SENP7: variants seen among roughly 807,000 people sequenced by gnomAD.
SENP7 encodes the protein SUMO specific peptidase 7.
In SENP7, 64 loss-of-function variants were observed where a neutral mutation model predicts 141.2. The ratio of observed to expected loss-of-function variants is 0.45; its 90% CI spans 0.37 to 0.56. The LOEUF is 0.56. Among genes scored for constraint, SENP7 ranks in the 20% least tolerant of loss-of-function variants. The pLI is 0.00. For missense variants in SENP7, 1,025 were observed against 1,212.2 expected (o/e 0.85, Z 2.29); for synonymous variants, 382 against 426.4 (o/e 0.90, Z 1.28).
Position 101,372,124 on chromosome 3 carries a change from C to T in SENP7, c.680G>A (p.Gly227Asp), listed in dbSNP as rs748905082. The change falls in exon 7 of 24, where the codon GGC (glycine) becomes GAC (aspartate). Residue 227 changes from glycine to aspartate, a missense_variant and splice_region_variant. Physicochemically the swap from Gly to Asp is moderately conservative, Grantham distance 94. Coordinates refer to ENST00000394095, the MANE Select transcript of SENP7 (RefSeq NM_020654.5). The part of the protein sequence containing the change: ...PHKSCYLSER[G>D]SQRSKTVDDN... ...ATCTACTGTCTTACTTCGTTGTGAG[C>T]CCCTGCAAAAGAGAACTGTATTATA... 1.3e-6 allele frequency: 2 copies of T among 1,526,442 alleles called. No homozygotes were observed. Among genetic ancestry groups the T allele is most frequent in the South Asian group, 1.3e-5 (1 of 77,910 alleles). The allele number at this position is 1,526,442 out of a possible 1,614,324, so 94.6% of individuals were successfully genotyped here. A position where few individuals can be genotyped will look rare whatever the true frequency, so the allele number is the denominator to read the frequency against.
intron 4 of SENP7, among the ~76,000 whole-genome samples, chr3:101,424,285 C>T (rs944139733): frequency 3.9e-5 from 6 of 152,048 alleles, no homozygotes; most frequent in Non-Finnish European, 7.4e-5. Flanking sequence ...CTCCACACAC[C>T]GCAGCTTCCC....
intron 6 of SENP7, among the ~76,000 whole-genome samples, chr3:101,386,259 C>G (rs1173421928): frequency 6.6e-6 from 1 of 152,162 alleles, no homozygotes; most frequent in Non-Finnish European, 1.5e-5. Flanking sequence ...CACTCAGAGC[C>G]AGGACAGACT....
intron 4 of SENP7, among the ~76,000 whole-genome samples, chr3:101,444,455 C>T (rs909258595): frequency 2.0e-5 from 3 of 151,968 alleles, no homozygotes; most frequent in South Asian, 2.1e-4. Flanking sequence ...ATGTTTATTG[C>T]GGCATTATTC....
At chr3:101,474,593 GT>G (rs1184926509) in intron 3 of SENP7, among the ~76,000 whole-genome samples, 4 of 152,032 alleles carry the variant, frequency 2.6e-5, no homozygotes, top group Non-Finnish European at 5.9e-5. Flanking sequence ...AGAATATGGG[GT>G]TTTCTAGATC....
At chr3:101,382,877 TAAAG>T (rs1487814815) in intron 6 of SENP7, among the ~76,000 whole-genome samples, 1 of 152,146 alleles carries the variant, frequency 6.6e-6, no homozygotes, top group African/African-American at 2.4e-5. Flanking sequence ...AAAGATACTA[TAAAG>T]AAAGTGTAGT....
intron 12 of SENP7, among the ~76,000 whole-genome samples, chr3:101,348,662 A>T (rs1446884376): frequency 6.6e-6 from 1 of 152,128 alleles, no homozygotes; most frequent in East Asian, 1.9e-4. Flanking sequence ...GTCTAAGGAG[A>T]CATTTCTTTT....
intron 4 of SENP7, among the ~76,000 whole-genome samples, chr3:101,451,482 C>T (rs552115129): frequency 2.6e-5 from 4 of 152,260 alleles, no homozygotes; most frequent in East Asian, 1.9e-4. Context: ...ACTGGCAAAC[C>T]GAATCCAGCA....
At chr3:101,414,579 C>A in intron 5 of SENP7, 1 of 1,605,298 alleles carries the variant, frequency 6.2e-7, no homozygotes. Flanking sequence ...ACATGCACCT[C>A]ATCCCAACTA....
At chr3:101,331,873 G>T in intron 19 of SENP7, 112 bp downstream of exon 19, 1 of 1,012,626 alleles carries the variant, frequency 9.9e-7, no homozygotes, top group Non-Finnish European at 1.4e-6. Context: ...TCCTGTTAAA[G>T]TAGGTTTAAT....
chr3:101,444,729 C>G (rs2062820955), intron 4 of SENP7, among the ~76,000 whole-genome samples: 1 of 107,906 alleles, frequency 9.3e-6, no homozygotes. Flanking sequence ...ACATCACACT[C>G]TGGGGACTGT....
chr3:101,409,423 G>C (rs2061392689), intron 5 of SENP7, among the ~76,000 whole-genome samples: 1 of 152,082 alleles, frequency 6.6e-6, no homozygotes, highest in African/African-American at 2.4e-5. Context: ...ATTCTTCACA[G>C]AATTAGAAAA....
intron 4 of SENP7, among the ~76,000 whole-genome samples, chr3:101,438,740 T>C (rs1309194615): frequency 6.6e-6 from 1 of 152,206 alleles, no homozygotes; most frequent in Non-Finnish European, 1.5e-5. Context: ...AAACTTGAAT[T>C]GTCCTATAAG....
intron 5 of SENP7, chr3:101,414,486 C>A: frequency 2.0e-6 from 3 of 1,528,628 alleles, no homozygotes; most frequent in Non-Finnish European, 2.7e-6. Context: ...ACAACAAAGC[C>A]AAAGATTCAA....
intron 6 of SENP7, among the ~76,000 whole-genome samples, chr3:101,373,815 C>T (rs1355073529): frequency 2.6e-5 from 4 of 152,246 alleles, no homozygotes; most frequent in East Asian, 1.9e-4. Context: ...TGGTTCTAAA[C>T]TGTACATGGT....
chr3:101,444,778 A>T lies in SENP7; in HGVS notation c.284+14177T>A, dbSNP rs565883918. ...GAGGGGGGAAAGATAGCATTGGGAG[A>T]TATACCTAATGCTAGATGACGAGTT... is the stretch of plus-strand genomic sequence containing the variant. On this transcript the variant is annotated intron_variant, in intron 4 of 23. Transcript: ENST00000394095. Among the ~76,000 whole-genome samples the T allele has an allele frequency of 1.6e-4, 24 of 151,672 alleles. No homozygotes were observed. The East Asian group carries it at 3.3e-3, about 21-fold the overall frequency.
Position 101,343,795 on chromosome 3 carries a change from T to C in SENP7, c.1997A>G (p.Asn666Ser), listed in dbSNP as rs759677621. 6.8e-6 allele frequency: 11 copies of C among 1,613,684 alleles called. No individual in the cohort carries two copies. Among genetic ancestry groups the C allele is most frequent in the Non-Finnish European group, 7.6e-6 (9 of 1,179,870 alleles). Residue 666 changes from asparagine to serine, a missense_variant, in exon 14 of 24, where the codon AAC (asparagine) becomes AGC (serine). By Grantham distance (46) the Asn-to-Ser change is conservative. This residue lies in a region of SENP7 where 295 missense variants were observed against 459.1 expected (regional missense o/e 0.64). Coordinates refer to ENST00000394095, the MANE Select transcript of SENP7 (RefSeq NM_020654.5). The stretch of plus-strand genomic sequence containing the variant: ...AAAAGAACTTTCTTTTGAAGAGAGG[T>C]TCTGAAACAAAGGAAATGCCTGAAC... ...SWVQAFPLFQ[N>S]LSSKESSFIH... is the part of the protein sequence containing the mutation.
intron 5 of SENP7, among the ~76,000 whole-genome samples, chr3:101,405,407 C>G (rs1262942594): frequency 1.3e-5 from 2 of 152,126 alleles, no homozygotes; most frequent in Admixed American, 6.5e-5. Context: ...AGGGAACACC[C>G]CATGGGACAA....
intron 6 of SENP7, among the ~76,000 whole-genome samples, chr3:101,391,079 G>C (rs2060803276): frequency 6.6e-6 from 1 of 151,552 alleles, no homozygotes; most frequent in Non-Finnish European, 1.5e-5. Context: ...ATAACATATG[G>C]GATCCAGCAA....
chr3:101,503,806 G>A (rs1187830887), intron 1 of SENP7, among the ~76,000 whole-genome samples: 1 of 152,002 alleles, frequency 6.6e-6, no homozygotes, highest in Non-Finnish European at 1.5e-5. Flanking sequence ...AATTAGCTGA[G>A]TGTGGTGGTG....
Sources: allele counts gnomAD v4.1 joint callset (sites outside exome capture counted in the v4.1 genomes callset), GRCh38; gene constraint gnomAD v4.1.1; regional missense constraint gnomAD v4.1.1; transcripts MANE v1.5; gene names NCBI Gene and HGNC (gene_info 2026-07-23, HGNC 2026-07-21).